ELMO1: variants seen among roughly 807,000 people sequenced by gnomAD.
ELMO1 encodes the protein engulfment and cell motility 1.
ELMO1 carries 26 observed loss-of-function variants against 98.9 expected under a neutral mutation model. That is an observed-to-expected ratio of 0.26 (90% CI 0.19 to 0.36). ELMO1 has a LOEUF of 0.36. ELMO1 is among the 10% of genes least tolerant of loss of function. ELMO1 has a pLI of 1.00. For missense variants in ELMO1, 627 were observed against 935.2 expected, an observed-to-expected ratio of 0.67 and a Z score of 4.30; for synonymous variants, 346 against 346.0, an observed-to-expected ratio of 1.00 and a Z score of 0.00.
chr7:36,944,615 C>T (rs1173760707), intron 16 of ELMO1, among the ~76,000 whole-genome samples: 3 of 152,172 alleles, frequency 2.0e-5, no homozygotes, highest in Non-Finnish European at 4.4e-5. Flanking sequence ...TGGTCTCTTC[C>T]CCAATGAGGA....
At chr7:37,301,929 C>CT (rs1259664642) in intron 4 of ELMO1, among the ~76,000 whole-genome samples, 3 of 152,182 alleles carry the variant, frequency 2.0e-5, no homozygotes. Flanking sequence ...ATTTTTCTTA[C>CT]TTTATCTCTT....
chr7:37,435,812 C>T (rs868698616), intron 1 of ELMO1, among the ~76,000 whole-genome samples: 13 of 152,296 alleles, frequency 8.5e-5, no homozygotes, highest in Admixed American at 4.6e-4. Context: ...CTCTATTACA[C>T]GCTCTTCTCT....
chr7:37,104,917 G>T (rs1784858955), intron 14 of ELMO1, among the ~76,000 whole-genome samples: 1 of 151,890 alleles, frequency 6.6e-6, no homozygotes, highest in Non-Finnish European at 1.5e-5. Flanking sequence ...CAAATGAGAG[G>T]AATGGTATAA....
intron 1 of ELMO1, among the ~76,000 whole-genome samples, chr7:37,344,094 T>C (rs1277481883): frequency 2.1e-5 from 3 of 142,898 alleles, no homozygotes; most frequent in East Asian, 4.1e-4. Flanking sequence ...TGCAGGGGCA[T>C]GATCTCAGCT....
At chr7:37,117,219 T>A (rs1482082589) in intron 14 of ELMO1, 2 of 159,760 alleles carry the variant, frequency 1.3e-5, no homozygotes, top group African/African-American at 4.8e-5. Flanking sequence ...TATTTTCAGT[T>A]AACCTGAGAC....
At chr7:37,239,531 T>C (rs762785180) in intron 7 of ELMO1, among the ~76,000 whole-genome samples, 1 of 152,176 alleles carries the variant, frequency 6.6e-6, no homozygotes, top group South Asian at 2.1e-4. Flanking sequence ...AGTTTTGATG[T>C]GTCAGTTTTA....
intron 16 of ELMO1, among the ~76,000 whole-genome samples, chr7:36,908,322 A>G (rs566669498): frequency 1.3e-4 from 20 of 152,298 alleles, no homozygotes; most frequent in Non-Finnish European, 2.2e-4. Flanking sequence ...TCAAATTTCA[A>G]TGATTTTGTA....
intron 2 of ELMO1, among the ~76,000 whole-genome samples, chr7:37,338,937 T>C (rs1212517242): frequency 1.3e-5 from 2 of 152,180 alleles, no homozygotes; most frequent in Admixed American, 1.3e-4. Context: ...AGAAAGAAGA[T>C]AAACAAGTCC....
At chr7:37,228,898 A>C (rs1794014538) in intron 8 of ELMO1, among the ~76,000 whole-genome samples, 1 of 152,178 alleles carries the variant, frequency 6.6e-6, no homozygotes, top group South Asian at 2.1e-4. Flanking sequence ...AGGCTGAAGC[A>C]GGAGAATCGC....
At chr7:37,314,703 G>T in intron 4 of ELMO1, 147 bp downstream of exon 4, 1 of 614,260 alleles carries the variant, frequency 1.6e-6, no homozygotes, top group Non-Finnish European at 2.8e-6. Context: ...TTCTAAAGTA[G>T]CAGTTGTTTG....
chr7:37,436,189 A>G (rs1805135453), intron 1 of ELMO1, among the ~76,000 whole-genome samples: 1 of 152,222 alleles, frequency 6.6e-6, no homozygotes, highest in African/African-American at 2.4e-5. Context: ...GTATTTCATT[A>G]TCTAAGTCTT....
At chr7:37,307,680 C>A (rs776120419) in intron 4 of ELMO1, among the ~76,000 whole-genome samples, 7 of 152,184 alleles carry the variant, frequency 4.6e-5, no homozygotes, top group Admixed American at 4.6e-4. Context: ...ATCATTACTA[C>A]CCTCAGCCAA....
At chr7:37,164,100 A>G (rs1789447052) in intron 13 of ELMO1, among the ~76,000 whole-genome samples, 1 of 152,150 alleles carries the variant, frequency 6.6e-6, no homozygotes, top group Non-Finnish European at 1.5e-5. Context: ...GATGATGAGC[A>G]TTTTTTCATC....
intron 15 of ELMO1, among the ~76,000 whole-genome samples, chr7:37,024,199 T>A (rs1414451511): frequency 1.3e-5 from 2 of 152,260 alleles, no homozygotes; most frequent in East Asian, 3.9e-4. Flanking sequence ...AGCCAGTCTG[T>A]CTGAGTTTGG....
intron 14 of ELMO1, among the ~76,000 whole-genome samples, chr7:37,132,634 T>A (rs1465416464): frequency 1.3e-5 from 2 of 152,228 alleles, no homozygotes; most frequent in East Asian, 3.8e-4. Flanking sequence ...CCCCACTTCC[T>A]TCTGCTCCAC....
intron 13 of ELMO1, among the ~76,000 whole-genome samples, chr7:37,151,886 G>A (rs937026522): frequency 6.6e-6 from 1 of 152,098 alleles, no homozygotes. Flanking sequence ...ACAGAAATAC[G>A]GTGACTTCTG....
intron 15 of ELMO1, among the ~76,000 whole-genome samples, chr7:37,052,341 G>C (rs1450325899): frequency 6.6e-6 from 1 of 152,184 alleles, no homozygotes; most frequent in African/African-American, 2.4e-5. Flanking sequence ...AGCCATGTTA[G>C]TTTAAAGAAC....
At chr7:37,063,270 G>A (rs532593094) in intron 15 of ELMO1, among the ~76,000 whole-genome samples, 23 of 152,212 alleles carry the variant, frequency 1.5e-4, no homozygotes, top group Non-Finnish European at 2.4e-4. Flanking sequence ...ATTACCTGAG[G>A]AGGGCTGTAG....
chr7:36,917,201 T>G (rs1312010526), intron 16 of ELMO1, among the ~76,000 whole-genome samples: 3 of 152,210 alleles, frequency 2.0e-5, no homozygotes, highest in Admixed American at 6.5e-5. Context: ...TAGTGTGACC[T>G]TGGGCAGTAG....
Sources: gnomAD v4.1 joint callset for allele counts (sites outside exome capture counted in the v4.1 genomes callset) on GRCh38, gnomAD v4.1.1 for gene constraint, MANE v1.5 for transcripts, NCBI Gene and HGNC (gene_info 2026-07-23, HGNC 2026-07-21) for gene names.